The following METTL15 variants were observed in gnomAD, a reference collection of about 807,000 sequenced individuals.
METTL15 encodes the protein 12S rRNA N(4)-cytidine methyltransferase METTL15.
In METTL15, 34 loss-of-function variants were observed where a neutral mutation model predicts 38.3. That is an observed-to-expected ratio of 0.89 (90% CI 0.68 to 1.18). The LOEUF (loss-of-function observed/expected upper bound fraction) is 1.18. Among genes scored for constraint, METTL15 ranks in the 50% most tolerant of loss-of-function variants. METTL15 has a pLI of 0.00. For synonymous variants in METTL15, 162 were observed against 170.9 expected, an observed-to-expected ratio of 0.95 and a Z score of 0.41; for missense variants, 438 against 498.4, an observed-to-expected ratio of 0.88 and a Z score of 1.15.
chr11:28,308,014 T>G (rs1857140955), intron 6 of METTL15, among the ~76,000 whole-genome samples: 2 of 152,080 alleles, frequency 1.3e-5, no homozygotes, highest in Admixed American at 6.5e-5. Context: ...TTTGTCTAAC[T>G]GTATTTTTGT....
At position 28,219,237 on chromosome 11, in the gene METTL15, G is replaced by T. The variant is rs571005205; in HGVS notation, c.407+8039G>T. On this transcript the variant is annotated intron_variant, in intron 4 of 6. Transcript: ENST00000407364. ...TATTAATTATTGCCTCAATTTCAGA[G>T]CCTGTTATTGGTCTATTCAGAGATT... is the stretch of plus-strand genomic sequence containing the variant. 1.7e-4 allele frequency among the ~76,000 whole-genome samples: 26 copies of T among 152,142 alleles called. 1 individual carries two copies. The Middle Eastern group carries it at 0.01, about 60-fold the overall frequency.
rs535077398 is a variant in METTL15, at chr11:28,411,574, A to G, written c.*359-12725A>G. Among the ~76,000 whole-genome samples the G allele has an allele frequency of 4.6e-5, 7 of 152,150 alleles. No homozygotes were observed. The South Asian group carries it at 1.4e-3, about 32-fold the overall frequency. Reference sequence around the variant, plus strand: ...ATTCAACCCTTAGATCATACACAGAAATCAACTCAAAATGGATGGATAAAA... The same window carrying G: ...ATTCAACCCTTAGATCATACACAGAGATCAACTCAAAATGGATGGATAAAA... On this transcript the variant is annotated intron_variant and NMD_transcript_variant, in intron 5 of 7. Coordinates refer to the METTL15 transcript ENST00000532947.
chr11:28,357,123 G>A (rs893714826), intron 4 of METTL15, among the ~76,000 whole-genome samples: 16 of 152,152 alleles, frequency 1.1e-4, no homozygotes, highest in Non-Finnish European at 5.9e-5. Context: ...TTTTTACTTT[G>A]GAAGGGGTGT....
chr11:28,510,321 A>C (rs1451879773), intron 6 of METTL15, among the ~76,000 whole-genome samples: 2 of 152,226 alleles, frequency 1.3e-5, no homozygotes, highest in African/African-American at 4.8e-5. Context: ...ATTAAAAAAT[A>C]TGTTTTGCAT....
chr11:28,267,173 A>AG (rs1315320527), intron 4 of METTL15, among the ~76,000 whole-genome samples: 1 of 148,624 alleles, frequency 6.7e-6, no homozygotes. Flanking sequence ...AAAAAAAAAA[A>AG]AAAAAAAAAA....
intron 4 of METTL15, among the ~76,000 whole-genome samples, chr11:28,262,841 G>A (rs1428997498): frequency 6.6e-6 from 1 of 152,036 alleles, no homozygotes; most frequent in Non-Finnish European, 1.5e-5. Context: ...AGAGAAGAAA[G>A]GCAGAGTCAT....
chr11:28,159,459 A>C lies in METTL15; in HGVS notation c.270+45855A>C, dbSNP rs539299733. Among the ~76,000 whole-genome samples, 46 of 152,126 alleles carry C rather than the reference A, an allele frequency of 3.0e-4. No individual in the cohort carries two copies. In the Middle Eastern group the frequency reaches 0.01, roughly 34 times the overall value. ...ATCACTCCACCAGGAAAAAAAAAAA[A>C]ACACAACCTGCTGAGGTGCTTGCTG... is the stretch of plus-strand genomic sequence containing the variant. On this transcript the variant is annotated intron_variant, in intron 3 of 6. Coordinates refer to ENST00000407364, the MANE Select transcript of METTL15 (RefSeq NM_001113528.2).
At chr11:28,210,942 A>G in intron 3 of METTL15, 120 bp from the exon 4 acceptor site, 2 of 1,061,054 alleles carry the variant, frequency 1.9e-6, no homozygotes, top group Middle Eastern at 3.2e-4. Context: ...AACGATTGTA[A>G]TTATTTTCCT....
intron 5 of METTL15, among the ~76,000 whole-genome samples, chr11:28,412,818 T>C (rs1029129343): frequency 2.0e-5 from 3 of 152,014 alleles, no homozygotes; most frequent in East Asian, 1.9e-4. Context: ...TCTGGAGAGC[T>C]AAAGTACAAC....
At chr11:28,367,871 G>A (rs534788137) in intron 5 of METTL15, among the ~76,000 whole-genome samples, 2 of 152,100 alleles carry the variant, frequency 1.3e-5, no homozygotes, top group East Asian at 1.9e-4. Context: ...AATAAATGAT[G>A]TTGGGAAAAC....
intron 3 of METTL15, chr11:28,145,341 T>G (rs1334870403): frequency 6.6e-6 from 1 of 152,142 alleles, no homozygotes; most frequent in Non-Finnish European, 1.5e-5. Flanking sequence ...CTAATTTACC[T>G]TTGTAAGTCA....
chr11:28,194,877 A>G (rs552094687), intron 3 of METTL15, among the ~76,000 whole-genome samples: 8 of 151,098 alleles, frequency 5.3e-5, no homozygotes, highest in African/African-American at 1.9e-4. Context: ...CTGAGTTTCC[A>G]GTGTTCGTTA....
At chr11:28,279,464 C>A (rs143998156) in intron 4 of METTL15, among the ~76,000 whole-genome samples, 40 of 152,176 alleles carry the variant, frequency 2.6e-4, no homozygotes, top group Non-Finnish European at 4.1e-4. Flanking sequence ...ATTTGTTCAA[C>A]CTATTCTATG....
At chr11:28,368,154 A>AG (rs1850206843) in intron 5 of METTL15, among the ~76,000 whole-genome samples, 1 of 138,600 alleles carries the variant, frequency 7.2e-6, no homozygotes. Context: ...AAAAAAAACA[A>AG]AAAAAAAAAC....
intron 4 of METTL15, among the ~76,000 whole-genome samples, chr11:28,283,670 T>G (rs535482660): frequency 6.6e-6 from 1 of 152,284 alleles, no homozygotes; most frequent in East Asian, 1.9e-4. Context: ...TTAACAATAC[T>G]TATTACAGTC....
Position 28,110,191 on chromosome 11 carries a change from A to C in METTL15, c.-228A>C, listed in dbSNP as rs187850202. On this transcript the variant is annotated 5_prime_UTR_variant, in exon 2 of 7. Coordinates refer to ENST00000407364, the MANE Select transcript of METTL15 (RefSeq NM_001113528.2). The stretch of plus-strand genomic sequence containing the variant: ...GAAAGTCGTTTGGAAACCCCAGGCC[A>C]ACAGGACCCTTTGGCAGCTGAGGCT... 1 of 152,250 alleles carries C rather than the reference A, an allele frequency of 6.6e-6. No individual in the cohort carries two copies. Among genetic ancestry groups the C allele is most frequent in the African/African-American group, 2.4e-5 (1 of 41,462 alleles). The allele number at this position is 152,250 out of a possible 1,614,324, so 9.4% of individuals were successfully genotyped here. A position where few individuals can be genotyped will look rare whatever the true frequency, so the allele number is the denominator to read the frequency against.
intron 3 of METTL15, among the ~76,000 whole-genome samples, chr11:28,201,578 G>A (rs1852113233): frequency 1.1e-5 from 1 of 89,108 alleles, no homozygotes; most frequent in South Asian, 3.5e-4. Flanking sequence ...TCTGTTCAGG[G>A]ACTCGACTTC....
At chr11:28,369,296 G>A (rs781602582) in intron 5 of METTL15, among the ~76,000 whole-genome samples, 7 of 151,764 alleles carry the variant, frequency 4.6e-5, no homozygotes, top group Non-Finnish European at 8.8e-5. Flanking sequence ...AAAAGCAAAG[G>A]GACTTGTGGG....
intron 6 of METTL15, among the ~76,000 whole-genome samples, chr11:28,488,474 A>C (rs1005126768): frequency 6.6e-6 from 1 of 152,156 alleles, no homozygotes; most frequent in Admixed American, 6.6e-5. Context: ...AATGAATATC[A>C]GCTTAGTGCT....
Sources: gnomAD v4.1 joint callset for allele counts (sites outside exome capture counted in the v4.1 genomes callset) on GRCh38, gnomAD v4.1.1 for gene constraint, MANE v1.5 for transcripts, NCBI Gene and HGNC (gene_info 2026-07-23, HGNC 2026-07-21) for gene names.